SGCD: variants seen among roughly 807,000 people sequenced by gnomAD.
SGCD encodes delta-sarcoglycan.
A neutral mutation model predicts 36.6 loss-of-function variants in SGCD; 18 were observed. That is an observed-to-expected ratio of 0.49 (90% CI 0.34 to 0.73). The LOEUF (loss-of-function observed/expected upper bound fraction) is 0.73. Ranked by LOEUF, SGCD falls within the 30% of genes least tolerant of loss-of-function variation. The pLI is 0.01. For synonymous variants in SGCD, 133 were observed against 130.6 expected (o/e 1.02, Z -0.12); for missense variants, 387 against 346.7 (o/e 1.12, Z -0.92).
intron 1 of SGCD, among the ~76,000 whole-genome samples, chr5:156,009,315 C>T (rs1758812569): frequency 6.6e-6 from 1 of 152,052 alleles, no homozygotes; most frequent in South Asian, 2.1e-4. Flanking sequence ...TGCCCGTGTC[C>T]CCGCCCCTTA....
At chr5:156,463,137 G>GGTTT (rs144573276) in intron 3 of SGCD, among the ~76,000 whole-genome samples, 7,188 of 151,886 alleles carry the variant, frequency 0.047, 206 homozygotes, top group East Asian at 0.14. Context: ...TTGTTTTTTT[G>GGTTT]GTTTGTTTGT....
chr5:155,850,361 G>A, the SGCD span, among the ~76,000 whole-genome samples: 1 of 152,038 alleles, frequency 6.6e-6, no homozygotes, highest in Non-Finnish European at 1.5e-5. Flanking sequence ...CTGTAGGGAG[G>A]AAGAAACAGG....
At chr5:156,378,842 C>A (rs1407320867) in intron 3 of SGCD, among the ~76,000 whole-genome samples, 1 of 152,066 alleles carries the variant, frequency 6.6e-6, no homozygotes, top group Non-Finnish European at 1.5e-5. Flanking sequence ...GTATAGAGTT[C>A]TGTATAGGTT....
intron 3 of SGCD, among the ~76,000 whole-genome samples, chr5:156,484,676 T>A (rs950885252): frequency 6.6e-6 from 1 of 152,210 alleles, no homozygotes; most frequent in Non-Finnish European, 1.5e-5. Flanking sequence ...CACATATATA[T>A]TAGTCATGGT....
At chr5:155,901,596 C>T (rs1353133080) in intron 1 of SGCD, among the ~76,000 whole-genome samples, 1 of 152,104 alleles carries the variant, frequency 6.6e-6, no homozygotes, top group Admixed American at 6.6e-5. Context: ...TGAAAATGTT[C>T]ACTAAGTCTG....
At chr5:156,384,597 C>T (rs916867803) in intron 3 of SGCD, among the ~76,000 whole-genome samples, 1 of 151,904 alleles carries the variant, frequency 6.6e-6, no homozygotes, top group Non-Finnish European at 1.5e-5. Flanking sequence ...AAGTTAAGTG[C>T]CAAGAGAGAA....
chr5:156,475,443 A>G (rs1474302153), intron 3 of SGCD, among the ~76,000 whole-genome samples: 2 of 152,172 alleles, frequency 1.3e-5, no homozygotes, highest in Admixed American at 1.3e-4. Flanking sequence ...GAGAAAAAGT[A>G]TCTGCAATTC....
chr5:156,656,677 G>A (rs1763695363), intron 7 of SGCD, among the ~76,000 whole-genome samples: 1 of 152,042 alleles, frequency 6.6e-6, no homozygotes, highest in African/African-American at 2.4e-5. Context: ...TTTAAAGATT[G>A]TTACAAATTT....
At chr5:156,163,970 CCGAGAT>C (rs1356268719) in intron 3 of SGCD, among the ~76,000 whole-genome samples, 3 of 149,370 alleles carry the variant, frequency 2.0e-5, no homozygotes, top group African/African-American at 7.6e-5. Flanking sequence ...TTGCAGTGAG[CCGAGAT>C]CATGCCACTG....
chr5:155,917,521 A>G (rs1756774465), intron 1 of SGCD, among the ~76,000 whole-genome samples: 1 of 152,208 alleles, frequency 6.6e-6, no homozygotes, highest in African/African-American at 2.4e-5. Context: ...AATAAAGAAT[A>G]TGTTTTCAAT....
the SGCD span, among the ~76,000 whole-genome samples, chr5:155,826,513 A>G: frequency 2.0e-5 from 3 of 152,030 alleles, no homozygotes; most frequent in Admixed American, 1.3e-4. Flanking sequence ...CTCCCTGGCC[A>G]TCTTTCTGAT....
rs895151445 is a variant in SGCD at position 156,665,333 on chromosome 5, C to T, written c.575+17797C>T. ...ATCACCTCCTGTAATTGATTATAGT[C>T]AACATTTTGCGTTGACTGAGCCATT... On this transcript the variant is annotated intron_variant, in intron 7 of 8. Coordinates refer to ENST00000337851, the MANE Select transcript of SGCD (RefSeq NM_000337.6). Among the ~76,000 whole-genome samples, 82 of 152,274 alleles carry T rather than the reference C, an allele frequency of 5.4e-4. No homozygotes were observed. The South Asian group carries it at 0.016, about 30-fold the overall frequency.
At chr5:156,474,130 A>G (rs567406457) in intron 3 of SGCD, among the ~76,000 whole-genome samples, 1 of 152,230 alleles carries the variant, frequency 6.6e-6, no homozygotes, top group South Asian at 2.1e-4. Flanking sequence ...GTTTATCCCA[A>G]CATGGGTAGG....
At chr5:156,386,462 T>C (rs1230553195) in intron 3 of SGCD, among the ~76,000 whole-genome samples, 1 of 152,254 alleles carries the variant, frequency 6.6e-6, no homozygotes, top group African/African-American at 2.4e-5. Flanking sequence ...CATTATCACA[T>C]TGAATGGATG....
chr5:156,378,639 CAA>C (rs928032898), intron 3 of SGCD, among the ~76,000 whole-genome samples: 1 of 151,924 alleles, frequency 6.6e-6, no homozygotes, highest in Non-Finnish European at 1.5e-5. Context: ...CTTTTGTTTT[CAA>C]AAAAGACTTT....
At chr5:155,728,012 C>G in the SGCD span, among the ~76,000 whole-genome samples, 1 of 152,162 alleles carries the variant, frequency 6.6e-6, no homozygotes, top group Non-Finnish European at 1.5e-5. Context: ...CCCCCCACCC[C>G]GCCCGCGTTT....
chr5:156,406,939 C>A, intron 3 of SGCD, among the ~76,000 whole-genome samples: 1 of 151,366 alleles, frequency 6.6e-6, no homozygotes, highest in Non-Finnish European at 1.5e-5. Context: ...TGAGGAGAGC[C>A]AGTCCTAGTC....
At chr5:156,416,828 T>C (rs1773067519) in intron 3 of SGCD, among the ~76,000 whole-genome samples, 1 of 152,220 alleles carries the variant, frequency 6.6e-6, no homozygotes, top group African/African-American at 2.4e-5. Flanking sequence ...TCTGCACTAA[T>C]TTCATCACAA....
At chr5:156,170,706 G>A (rs918315400) in intron 3 of SGCD, among the ~76,000 whole-genome samples, 3 of 152,160 alleles carry the variant, frequency 2.0e-5, no homozygotes, top group Non-Finnish European at 4.4e-5. Context: ...GGACAGGTCA[G>A]GAAACATCTA....
Sources: allele counts gnomAD v4.1 joint callset (sites outside exome capture counted in the v4.1 genomes callset), GRCh38; gene constraint gnomAD v4.1.1; transcripts MANE v1.5; gene names NCBI Gene and HGNC (gene_info 2026-07-23, HGNC 2026-07-21).